Variants in CD58 observed in about 807,000 individuals in gnomAD.
The protein encoded by CD58 is CD58 molecule.
In CD58, 14 loss-of-function variants were observed where a neutral mutation model predicts 27.6. The ratio of observed to expected loss-of-function variants is 0.51; its 90% CI spans 0.34 to 0.79. The LOEUF is 0.79. CD58 is among the 30% of genes least tolerant of loss of function. CD58 has a pLI of 0.02. For missense variants in CD58, 268 were observed against 301.7 expected (o/e 0.89, Z 0.83); for synonymous variants, 117 against 103.8 (o/e 1.13, Z -0.77).
chr1:116,542,671 A>T (rs758155893), intron 2 of CD58, among the ~76,000 whole-genome samples: 3 of 152,200 alleles, frequency 2.0e-5, no homozygotes, highest in Non-Finnish European at 2.9e-5. Context: ...AATTCTCATC[A>T]GGAGAGAGTG....
In CD58 at chr1:116,535,888, T is replaced by G. The variant is rs976979472; in HGVS notation, c.628+77A>C. On this transcript the variant is annotated intron_variant, in intron 3 of 5. Transcript: ENST00000369489. The stretch of plus-strand genomic sequence containing the variant: ...AAAAAATTGTAACTTGTTTTACATT[T>G]CAAAATTGTGAACCTTGTGTTAGTC... The G allele has an allele frequency of 1.1e-5, 11 of 982,814 alleles. No individual in the cohort carries two copies. The African/African-American group carries it at 1.4e-4, about 13-fold the overall frequency. 60.9% of individuals were successfully genotyped at this position (982,814 alleles called of 1,614,324 possible).
At chr1:116,533,381 G>A in intron 3 of CD58, 1 of 892,258 alleles carries the variant, frequency 1.1e-6, no homozygotes, top group South Asian at 1.3e-5. Flanking sequence ...CAAATGAAAA[G>A]GGATCAGCCT....
At chr1:116,565,309 TCCA>T (rs1658893316) in intron 1 of CD58, among the ~76,000 whole-genome samples, 1 of 152,220 alleles carries the variant, frequency 6.6e-6, no homozygotes, top group Non-Finnish European at 1.5e-5. Context: ...TCTACCACTC[TCCA>T]CCACAATGGT....
Position 116,534,476 on chromosome 1 carries a change from G to C in CD58, c.628+1489C>G, listed in dbSNP as rs968288152. Among the ~76,000 whole-genome samples the C allele has an allele frequency of 6.6e-6, 1 of 152,194 alleles. No individual in the cohort carries two copies. The highest frequency in any genetic ancestry group is 1.5e-5 in the Non-Finnish European group (1 of 68,032). On this transcript the variant is annotated intron_variant, in intron 3 of 5. Coordinates refer to ENST00000369489, the MANE Select transcript of CD58 (RefSeq NM_001779.3). The surrounding 1 kb of genome is among the most constrained non-coding windows in gnomAD (Gnocchi z 5.3). ...GGCTGGCTGGGCTAGCGGGAGATTTGAGCTGCCAGCCCCCACTCGCCGCCC... is the reference window on the plus strand; with the variant it reads ...GGCTGGCTGGGCTAGCGGGAGATTTCAGCTGCCAGCCCCCACTCGCCGCCC...
At position 116,570,893 on chromosome 1, in the gene CD58, C is replaced by T; in HGVS notation, c.70+10G>A. The T allele has an allele frequency of 6.4e-7, 1 of 1,551,766 alleles. No homozygotes were observed. The highest frequency in any genetic ancestry group is 8.7e-7 in the Non-Finnish European group (1 of 1,153,358). ...GCCGGCGCGGGGCCCCTGGGGCAGG[C>T]TTCACTCACCAAAGCAGTGCAGCAG... On this transcript the variant is annotated intron_variant, in intron 1 of 5. Transcript: ENST00000369489. The surrounding 1 kb of genome is among the most constrained non-coding windows in gnomAD (Gnocchi z 6.4).
At chr1:116,558,946 TAAGC>T (rs891968846) in intron 1 of CD58, among the ~76,000 whole-genome samples, 42 of 152,338 alleles carry the variant, frequency 2.8e-4, no homozygotes, top group Admixed American at 8.5e-4. Context: ...GACACTGAAA[TAAGC>T]AGGCAGGATA....
chr1:116,544,047 C>T (rs1312484291), intron 2 of CD58, among the ~76,000 whole-genome samples: 2 of 152,182 alleles, frequency 1.3e-5, no homozygotes, highest in Non-Finnish European at 2.9e-5. Flanking sequence ...AAGCTAACTG[C>T]TGTCACTACA....
Position 116,536,109 on chromosome 1 carries a change from G to C in CD58, c.484C>G (p.Pro162Ala). ...RGLIMYSWDC[P>A]MEQCKRNSTS... is the part of the protein sequence containing the mutation. Reference sequence around the variant, plus strand: ...GAGTTACGTTTACATTGCTCCATAGGACAATCCCATGAGTACATTATAAGT... The same window carrying C: ...GAGTTACGTTTACATTGCTCCATAGCACAATCCCATGAGTACATTATAAGT... The change falls in exon 3 of 6, where the codon CCT becomes GCT. Residue 162 changes from proline to alanine, a missense_variant. Pro to Ala is a conservative substitution (Grantham distance 27, BLOSUM62 -1). Transcript: ENST00000369489. The surrounding 1 kb of genome is among the most constrained non-coding windows in gnomAD (Gnocchi z 5.4). The C allele has an allele frequency of 6.2e-7, 1 of 1,613,810 alleles. No homozygotes were observed. Among genetic ancestry groups the C allele is most frequent in the African/African-American group, 1.3e-5 (1 of 74,972 alleles).
Position 116,538,169 on chromosome 1 carries a change from C to A in CD58, c.365-1941G>T, listed in dbSNP as rs1257276539. Among the ~76,000 whole-genome samples, 1 of 152,182 alleles carries A rather than the reference C, an allele frequency of 6.6e-6. No individual in the cohort carries two copies. The highest frequency in any genetic ancestry group is 1.9e-4 in the East Asian group (1 of 5,194). ...TCTAGCTCACACAAGTCCTTACATACTTCCTTAAGATTTTCTTTAATTAAA... is the reference window on the plus strand; with the variant it reads ...TCTAGCTCACACAAGTCCTTACATAATTCCTTAAGATTTTCTTTAATTAAA... On this transcript the variant is annotated intron_variant, in intron 2 of 5. Transcript: ENST00000369489. This position sits in a 1 kb window ranked among gnomAD's most constrained non-coding sequence, Gnocchi z 4.7.
chr1:116,559,137 G>C lies in CD58; in HGVS notation c.70+11766C>G, dbSNP rs1029966066. Among the ~76,000 whole-genome samples the C allele has an allele frequency of 1.3e-5, 2 of 152,178 alleles. No individual in the cohort carries two copies. Among genetic ancestry groups the C allele is most frequent in the African/African-American group, 4.8e-5 (2 of 41,426 alleles). On this transcript the variant is annotated intron_variant, in intron 1 of 5. Transcript: ENST00000369489. The surrounding 1 kb of genome is among the most constrained non-coding windows in gnomAD (Gnocchi z 4.4). Reference sequence around the variant, plus strand: ...GGGCTGAGGAGTACTGGTAAGGAAAGGAGTTGGATGGCATGGGGGGCAGTC... The same window carrying C: ...GGGCTGAGGAGTACTGGTAAGGAAACGAGTTGGATGGCATGGGGGGCAGTC...
intron 1 of CD58, among the ~76,000 whole-genome samples, chr1:116,548,419 T>G (rs1431596187): frequency 2.0e-5 from 3 of 152,226 alleles, no homozygotes; most frequent in Non-Finnish European, 4.4e-5. Flanking sequence ...TCTAGAATTT[T>G]TATGGCTTCA....
Position 116,519,334 on chromosome 1 carries a change from G to T in CD58, c.707-67C>A. On this transcript the variant is annotated intron_variant, in intron 4 of 5. Transcript: ENST00000369489. This position sits in a 1 kb window ranked among gnomAD's most constrained non-coding sequence, Gnocchi z 4.7. ...AGAAAAGGTGAAATGTGGAGTTACT[G>T]ACTGCCTATTAGAGGCCTAAATATG... is the stretch of plus-strand genomic sequence containing the variant. 1 of 1,461,986 alleles carries T rather than the reference G, an allele frequency of 6.8e-7. No individual in the cohort carries two copies. Among genetic ancestry groups the T allele is most frequent in the South Asian group, 1.2e-5 (1 of 84,524 alleles). The allele number at this position is 1,461,986 out of a possible 1,614,324, so 90.6% of individuals were successfully genotyped here.
At chr1:116,548,089 T>C (rs1658258501) in intron 1 of CD58, among the ~76,000 whole-genome samples, 1 of 152,246 alleles carries the variant, frequency 6.6e-6, no homozygotes, top group Admixed American at 6.5e-5. Context: ...TGTTGGCCAT[T>C]TGTATATCCT....
Position 116,536,110 on chromosome 1 carries a change from A to T in CD58, c.483T>A (p.Cys161Ter). The T allele has an allele frequency of 6.2e-7, 1 of 1,613,920 alleles. No homozygotes were observed. Among genetic ancestry groups the T allele is most frequent in the Non-Finnish European group, 8.5e-7 (1 of 1,179,886 alleles). Residue 161 changes from cysteine (C) to a stop codon, truncating the protein, a stop_gained, in exon 3 of 6, where the codon TGT (cysteine) becomes TGA (stop). Coordinates refer to ENST00000369489, the MANE Select transcript of CD58 (RefSeq NM_001779.3). LOFTEE classifies it high-confidence loss of function. The surrounding 1 kb of genome is among the most constrained non-coding windows in gnomAD (Gnocchi z 5.4). The stretch of plus-strand genomic sequence containing the variant: ...AGTTACGTTTACATTGCTCCATAGG[A>T]CAATCCCATGAGTACATTATAAGTC... Reference protein sequence around the residue: ...HRGLIMYSWDCPMEQCKRNST... With the variant: ...HRGLIMYSWD
intron 1 of CD58, among the ~76,000 whole-genome samples, chr1:116,565,064 C>A (rs76100162): frequency 0.026 from 3,963 of 152,294 alleles, 162 homozygotes; most frequent in African/African-American, 0.092. Flanking sequence ...GATTCCTTTC[C>A]TGCATTGCCC....
At chr1:116,549,021 TTGTC>T (rs1557840826) in intron 1 of CD58, among the ~76,000 whole-genome samples, 1 of 152,182 alleles carries the variant, frequency 6.6e-6, no homozygotes, top group African/African-American at 2.4e-5. Flanking sequence ...AGAACACACA[TTGTC>T]TGACTCCTTG....
chr1:116,565,837 C>T (rs1658912041), intron 1 of CD58, among the ~76,000 whole-genome samples: 1 of 151,856 alleles, frequency 6.6e-6, no homozygotes, highest in Non-Finnish European at 1.5e-5. Context: ...TCTCCTGCCT[C>T]AGCCTCCTAG....
rs979060272 is a variant in CD58 at position 116,519,381 on chromosome 1, T to A, written c.707-114A>T. 1.1e-6 allele frequency: 1 copy of A among 890,506 alleles called. No individual in the cohort carries two copies. The highest frequency in any genetic ancestry group is 1.8e-6 in the Non-Finnish European group (1 of 552,890). 55.2% of individuals were successfully genotyped at this position (890,506 alleles called of 1,614,324 possible). A position where few individuals can be genotyped will look rare whatever the true frequency, so the allele number is the denominator to read the frequency against. On this transcript the variant is annotated intron_variant, in intron 4 of 5. Coordinates refer to ENST00000369489, the MANE Select transcript of CD58 (RefSeq NM_001779.3). This position sits in a 1 kb window ranked among gnomAD's most constrained non-coding sequence, Gnocchi z 4.7. The stretch of plus-strand genomic sequence containing the variant: ...TATGGAAAACTAAGCCAGAGCCCCA[T>A]CACCCTGGGATTTCCTGCTATCCTA...
rs1658591599 is a variant in CD58, at chr1:116,557,098, G to A, written c.71-12494C>T. Among the ~76,000 whole-genome samples the A allele has an allele frequency of 6.6e-6, 1 of 152,166 alleles. No individual in the cohort carries two copies. Among genetic ancestry groups the A allele is most frequent in the Admixed American group, 6.5e-5 (1 of 15,278 alleles). Reference sequence around the variant, plus strand: ...TGTATCCCCATATGTCTGGCATATGGACTTTCAATAAATATCTGTTGAATG... The same window carrying A: ...TGTATCCCCATATGTCTGGCATATGAACTTTCAATAAATATCTGTTGAATG... On this transcript the variant is annotated intron_variant, in intron 1 of 5. Coordinates refer to ENST00000369489, the MANE Select transcript of CD58 (RefSeq NM_001779.3). This position sits in a 1 kb window ranked among gnomAD's most constrained non-coding sequence, Gnocchi z 5.2.
Sources: gnomAD v4.1 joint callset for allele counts (sites outside exome capture counted in the v4.1 genomes callset) on GRCh38, gnomAD v4.1.1 for gene constraint, Gnocchi (gnomAD v3.1) non-coding constraint, MANE v1.5 for transcripts, NCBI Gene and HGNC (gene_info 2026-07-23, HGNC 2026-07-21) for gene names.